The following BAIAP2L2 variants were observed in gnomAD, a reference collection of about 807,000 sequenced individuals.
BAIAP2L2 encodes BAR/IMD domain containing adaptor protein 2 like 2, also known as BAR/IMD domain-containing adapter protein 2-like 2.
A neutral mutation model predicts 60.4 loss-of-function variants in BAIAP2L2; 65 were observed. That is an observed-to-expected ratio of 1.08 (90% CI 0.88 to 1.32). The LOEUF (loss-of-function observed/expected upper bound fraction) is 1.32. Among genes scored for constraint, BAIAP2L2 ranks in the 40% most tolerant of loss-of-function variants. The probability of loss-of-function intolerance (pLI) is 0.00; values close to 1 mark genes in which losing one functional copy is unlikely to be tolerated. For missense variants in BAIAP2L2, 836 were observed against 741.2 expected (o/e 1.13, Z -1.48); for synonymous variants, 344 against 301.7 (o/e 1.14, Z -1.45).
rs1267541233 is a variant in BAIAP2L2, at chr22:38,109,120, G to A, written c.127+13C>T. On this transcript the variant is annotated intron_variant, in intron 2 of 13. Transcript: ENST00000381669. ...CCCAGGGCTGGGGCTCGGTGGCCCG[G>A]GCAGGCACTCACCGTGGAAGGCACG... 1 of 1,608,060 alleles carries A rather than the reference G, an allele frequency of 6.2e-7. No homozygotes were observed. Among genetic ancestry groups the A allele is most frequent in the South Asian group, 1.1e-5 (1 of 90,946 alleles).
intron 1 of BAIAP2L2, among the ~76,000 whole-genome samples, chr22:38,109,962 A>G (rs73886268): frequency 0.082 from 12,122 of 147,576 alleles, 644 homozygotes; most frequent in African/African-American, 0.14. Flanking sequence ...CGCTCAATAA[A>G]TGTCTGTGGC....
chr22:38,087,426 C>G (rs965177339), intron 10 of BAIAP2L2, among the ~76,000 whole-genome samples, 162 bp from the exon 11 acceptor site: 2 of 152,130 alleles, frequency 1.3e-5, no homozygotes, highest in Admixed American at 6.5e-5. Flanking sequence ...CCTGCAAGTG[C>G]CTACTGATAA....
Position 38,098,435 on chromosome 22 carries a change from G to T in BAIAP2L2, c.324C>A (p.Thr108=). 6.2e-7 allele frequency: 1 copy of T among 1,613,914 alleles called. No homozygotes were observed. Among genetic ancestry groups the T allele is most frequent in the South Asian group, 1.1e-5 (1 of 91,070 alleles). Reference sequence around the variant, plus strand: ...CTTTGATGAACTGCATGTCCAGCTTGGTGTTCTTCTCCATGTGCTGCAGCA... The same window carrying T: ...CTTTGATGAACTGCATGTCCAGCTTTGTGTTCTTCTCCATGTGCTGCAGCA... ...GGLLQHMEKN[T]KLDMQFIKDS... The change falls in exon 5 of 14, where the codon ACC becomes ACA. Residue 108 remains threonine, a synonymous_variant. Coordinates refer to ENST00000381669, the MANE Select transcript of BAIAP2L2 (RefSeq NM_025045.6).
intron 7 of BAIAP2L2, among the ~76,000 whole-genome samples, chr22:38,093,370 G>T (rs983969749): frequency 6.6e-6 from 1 of 152,164 alleles, no homozygotes; most frequent in African/African-American, 2.4e-5. Flanking sequence ...CCAGCCTCAG[G>T]TATTCCTTTA....
Position 38,086,332 on chromosome 22 carries a change from C to A in BAIAP2L2, c.1377G>T (p.Val459=). 1 of 1,569,850 alleles carries A rather than the reference C, an allele frequency of 6.4e-7. No homozygotes were observed. Among genetic ancestry groups the A allele is most frequent in the Non-Finnish European group, 8.7e-7 (1 of 1,152,660 alleles). ...GTGCAGGGCTGGGGGCACGGCTTGGCACCCGGCTTGGGGTGCGGGAGCGGG... is the reference window on the plus strand; with the variant it reads ...GTGCAGGGCTGGGGGCACGGCTTGGAACCCGGCTTGGGGTGCGGGAGCGGG... ...GQSRSRTPSR[V]PSRAPSPAPP... Residue 459 remains valine (V), a synonymous_variant, in exon 12 of 14, where the codon GTG becomes GTT. Transcript: ENST00000381669.
intron 10 of BAIAP2L2, among the ~76,000 whole-genome samples, chr22:38,087,894 C>G (rs2086146555): frequency 1.3e-5 from 2 of 151,170 alleles, no homozygotes; most frequent in Admixed American, 1.3e-4. Context: ...TCAGTGACCC[C>G]CCCCCCGCCA....
In BAIAP2L2 at chr22:38,088,874, G is replaced by A; in HGVS notation, c.992C>T (p.Ala331Val). Residue 331 changes from alanine to valine, a missense_variant, in exon 10 of 14, where the codon GCC (alanine) becomes GTC (valine). By Grantham distance (64) the Ala-to-Val change is moderately conservative (BLOSUM62 0). Coordinates refer to ENST00000381669, the MANE Select transcript of BAIAP2L2 (RefSeq NM_025045.6). ...GGGGGARRVR[A>V]LVSHSEGANH... ...GGCGCCCTCCGAGTGGGAGACCAGG[G>A]CGCGGACTCTCCTGGCGCCCCCGCC... 2 of 1,591,760 alleles carry A rather than the reference G, an allele frequency of 1.3e-6. No individual in the cohort carries two copies. Among genetic ancestry groups the A allele is most frequent in the Non-Finnish European group, 8.5e-7 (1 of 1,176,674 alleles).
chr22:38,085,208 T>G lies in BAIAP2L2; in HGVS notation c.*92A>C. The stretch of plus-strand genomic sequence containing the variant: ...CCCCCCGTCTCAGGGACCCGCTTCT[T>G]GGATCTGCTGCTGTTGCTGCTGTCG... On this transcript the variant is annotated 3_prime_UTR_variant, in exon 14 of 14. Coordinates refer to ENST00000381669, the MANE Select transcript of BAIAP2L2 (RefSeq NM_025045.6). 3 of 1,409,126 alleles carry G rather than the reference T, an allele frequency of 2.1e-6. No homozygotes were observed. The highest frequency in any genetic ancestry group is 3.0e-6 in the Non-Finnish European group (3 of 1,015,172). 87.3% of individuals were successfully genotyped at this position (1,409,126 alleles called of 1,614,324 possible). A position where few individuals can be genotyped will look rare whatever the true frequency, so the allele number is the denominator to read the frequency against.
chr22:38,105,155 G>A (rs961136568), intron 4 of BAIAP2L2, among the ~76,000 whole-genome samples: 3 of 151,970 alleles, frequency 2.0e-5, no homozygotes, highest in African/African-American at 7.3e-5. Context: ...CCCTTTCACT[G>A]AGAGGAAGGG....
chr22:38,103,862 C>A (rs1214624215), intron 4 of BAIAP2L2, among the ~76,000 whole-genome samples: 1,013 of 108,470 alleles, frequency 9.3e-3, no homozygotes, highest in African/African-American at 0.013. Flanking sequence ...GACTCCATGT[C>A]AAAAAAAAAA....
At chr22:38,108,995 G>T in intron 2 of BAIAP2L2, 138 bp downstream of exon 2, 1 of 757,852 alleles carries the variant, frequency 1.3e-6, no homozygotes, top group Non-Finnish European at 2.2e-6. Context: ...GCAGAGGTGT[G>T]AGGGTGAGGG....
In BAIAP2L2 at chr22:38,109,172, G is replaced by A; in HGVS notation, c.88C>T (p.Leu30=). 6.2e-7 allele frequency: 1 copy of A among 1,613,250 alleles called. No homozygotes were observed. Residue 30 remains leucine (L), a synonymous_variant, in exon 2 of 14, where the codon CTG becomes TTG. Transcript: ENST00000381669. ...AGGTAGTTGTTGCCCAGGTACACCA[G>A]GTTCTCCAGGGCGGGGTTAAACTGC... ...MEQFNPALEN[L]VYLGNNYLRA...
rs2086271945 is a variant in BAIAP2L2, at chr22:38,090,473, G to C, written c.613-799C>G. The C allele has an allele frequency of 4.0e-5, 6 of 151,286 alleles. No individual in the cohort carries two copies. In the Admixed American group the frequency reaches 4.0e-4, roughly 10 times the overall value. The allele number at this position is 151,286 out of a possible 1,614,324, so 9.4% of individuals were successfully genotyped here. A position where few individuals can be genotyped will look rare whatever the true frequency, so the allele number is the denominator to read the frequency against. Reference sequence around the variant, plus strand: ...GTCACTCAGTCATAATAAAATCCCAGGTACAATCAGAATGCTGCATTCTCC... The same window carrying C: ...GTCACTCAGTCATAATAAAATCCCACGTACAATCAGAATGCTGCATTCTCC... On this transcript the variant is annotated intron_variant, in intron 7 of 13. Coordinates refer to ENST00000381669, the MANE Select transcript of BAIAP2L2 (RefSeq NM_025045.6).
upstream of BAIAP2L2, chr22:38,110,760 G>A (rs967180053): frequency 3.8e-6 from 2 of 532,454 alleles, no homozygotes; most frequent in Non-Finnish European, 6.6e-6. Context: ...AAGGCATCCT[G>A]TGCCGGGCAG....
intron 7 of BAIAP2L2, among the ~76,000 whole-genome samples, chr22:38,092,288 TGAGA>T (rs920978282): frequency 2.0e-5 from 3 of 152,162 alleles, no homozygotes; most frequent in Non-Finnish European, 2.9e-5. Flanking sequence ...CTTCTTTTTT[TGAGA>T]GAGAGAGCGA....
chr22:38,086,223 A>G lies in BAIAP2L2; in HGVS notation c.1467+19T>C, dbSNP rs2086062724. On this transcript the variant is annotated intron_variant, in intron 12 of 13. Transcript: ENST00000381669. Reference sequence around the variant, plus strand: ...CCCTGCCCGCTGGAGGCCCCAAGAGAGGGCGGGCAAGGGCTCACCTTGACG... The same window carrying G: ...CCCTGCCCGCTGGAGGCCCCAAGAGGGGGCGGGCAAGGGCTCACCTTGACG... The G allele has an allele frequency of 1.2e-6, 2 of 1,607,034 alleles. No homozygotes were observed. The highest frequency in any genetic ancestry group is 1.1e-5 in the South Asian group (1 of 90,432).
rs200685751 is a variant in BAIAP2L2 at position 38,097,019 on chromosome 22, C to T, written c.612+13G>A. 1.2e-6 allele frequency: 2 copies of T among 1,606,034 alleles called. No homozygotes were observed. The highest frequency in any genetic ancestry group is 1.3e-5 in the African/African-American group (1 of 74,964). On this transcript the variant is annotated intron_variant, in intron 7 of 13. Coordinates refer to ENST00000381669, the MANE Select transcript of BAIAP2L2 (RefSeq NM_025045.6). ...TAGAAGCGCCCCGCTTGCTGCCCCC[C>T]AGTCCAACTCACCCGGCCGAAGAAC... is the stretch of plus-strand genomic sequence containing the variant.
chr22:38,089,411 G>T, intron 8 of BAIAP2L2, 111 bp downstream of exon 8: 1 of 639,322 alleles, frequency 1.6e-6, no homozygotes, highest in Non-Finnish European at 2.2e-6. Flanking sequence ...GGGATGCAGC[G>T]TAGAGCGGGA....
At position 38,096,361 on chromosome 22, in the gene BAIAP2L2, AT is replaced by A. The variant is rs199995490; in HGVS notation, c.612+670del. Among the ~76,000 whole-genome samples the A allele has an allele frequency of 8.4e-3, 1,281 of 152,318 alleles. 29 individuals are homozygous for A. The highest frequency in any genetic ancestry group is 0.03 in the African/African-American group (1,243 of 41,552). On this transcript the variant is annotated intron_variant, in intron 7 of 13. Coordinates refer to ENST00000381669, the MANE Select transcript of BAIAP2L2 (RefSeq NM_025045.6). ...TGCAAGAGCATAGAGGATTTAAATA[AT>A]ATGATAAAATGGCTGGGTATGGTAG... is the stretch of plus-strand genomic sequence containing the variant.
Sources: gnomAD v4.1 joint callset for allele counts (sites outside exome capture counted in the v4.1 genomes callset) on GRCh38, gnomAD v4.1.1 for gene constraint, MANE v1.5 for transcripts, NCBI Gene and HGNC (gene_info 2026-07-23, HGNC 2026-07-21) for gene names.